Variants in USP20 observed in about 807,000 individuals in gnomAD.
The protein encoded by USP20 is ubiquitin specific peptidase 20.
In USP20, 80 loss-of-function variants were observed where a neutral mutation model predicts 124.2. The observed-to-expected ratio is 0.64, with a 90% CI of 0.54 to 0.78. The LOEUF (loss-of-function observed/expected upper bound fraction) is 0.78, where lower values mean the gene tolerates loss of function less well. Ranked by LOEUF, USP20 falls within the 30% of genes least tolerant of loss-of-function variation. The pLI, the probability that USP20 is intolerant of heterozygous loss-of-function variation, is 0.00. For missense variants in USP20, 1,043 were observed against 1,244.4 expected (o/e 0.84, Z 2.44); for synonymous variants, 481 against 512.3 (o/e 0.94, Z 0.83).
intron 4 of USP20, 81 bp from the exon 5 acceptor site, chr9:129,857,969 C>A: frequency 7.4e-7 from 1 of 1,351,304 alleles, no homozygotes. Context: ...GGGGCACTGA[C>A]TTTGGGATGG....
At position 129,868,259 on chromosome 9, in the gene USP20, T is replaced by C. The variant is rs2033922808; in HGVS notation, c.945T>C (p.Asp315=). Residue 315 remains aspartate, a synonymous_variant, in exon 11 of 26, where the codon GAT becomes GAC. Transcript: ENST00000372429. ...SQAETELLIP[D]EAGRAISEKE... ...CCGAGACGGAGCTGCTGATCCCAGA[T>C]GAGGCGGGCCGAGCCATCTCTGAGA... 2.5e-6 allele frequency: 4 copies of C among 1,613,956 alleles called. No homozygotes were observed. The South Asian group carries it at 4.4e-5, about 18-fold the overall frequency.
At position 129,875,337 on chromosome 9, in the gene USP20, G is replaced by A. The variant is rs566011002; in HGVS notation, c.2076G>A (p.Glu692=). The part of the protein sequence containing the change: ...YRKSSEEAMR[E]RQQVVSLAAM... ...AGAGCAGCGAGGAGGCCATGCGGGA[G>A]CGACAGCAGGTGGTGTCCCTGGCCG... Residue 692 remains glutamate (E), a synonymous_variant, in exon 20 of 26, where the codon GAG becomes GAA. Transcript: ENST00000372429. 1.9e-6 allele frequency: 3 copies of A among 1,611,764 alleles called. No homozygotes were observed. The highest frequency in any genetic ancestry group is 3.3e-5 in the Admixed American group (2 of 59,860).
chr9:129,845,232 G>T (rs2032470304), intron 1 of USP20, among the ~76,000 whole-genome samples: 1 of 151,988 alleles, frequency 6.6e-6, no homozygotes, highest in South Asian at 2.1e-4. Flanking sequence ...GTAGGCTCAG[G>T]GCAGTGCCTG....
intron 14 of USP20, 68 bp downstream of exon 14, chr9:129,869,912 A>G (rs2034033555): frequency 1.3e-6 from 2 of 1,573,014 alleles, no homozygotes; most frequent in Non-Finnish European, 8.7e-7. Context: ...GGCGGGAGAC[A>G]GTACACAGTG....
At chr9:129,877,322 C>T (rs1243790277) in intron 22 of USP20, among the ~76,000 whole-genome samples, 1 of 151,490 alleles carries the variant, frequency 6.6e-6, no homozygotes, top group Non-Finnish European at 1.5e-5. Context: ...AGTTCAAGAC[C>T]AACTTGGCCA....
chr9:129,881,093 CCCCACACCGCG>C lies in USP20; in HGVS notation c.*644_*654del, dbSNP rs1202005905. On this transcript the variant is annotated 3_prime_UTR_variant, in exon 26 of 26. Transcript: ENST00000372429. ...GGGATGTTTCTGGAGGCAGCTGGTC[CCCCACACCGCG>C]TCCTGCTGAGCCTGCCCCCTGGATT... The C allele has an allele frequency of 1.3e-5, 2 of 152,466 alleles. No homozygotes were observed. The highest frequency in any genetic ancestry group is 4.8e-5 in the African/African-American group (2 of 41,470). The allele number at this position is 152,466 out of a possible 1,614,324, so 9.4% of individuals were successfully genotyped here. A position where few individuals can be genotyped will look rare whatever the true frequency, so the allele number is the denominator to read the frequency against.
Position 129,868,415 on chromosome 9 carries a change from G to A in USP20, c.1101G>A (p.Pro367=), listed in dbSNP as rs377337518. The stretch of plus-strand genomic sequence containing the variant: ...ACCAGCCCGCGGAGGCCCAGCCCCC[G>A]TCACCACGGTCCTCCAGCCCCTGCC... ...LDDQPAEAQP[P]SPRSSSPCRT... is the part of the protein sequence containing the mutation. The change falls in exon 11 of 26, where the codon CCG becomes CCA. Residue 367 remains proline, a synonymous_variant. Coordinates refer to ENST00000372429, the MANE Select transcript of USP20 (RefSeq NM_001110303.4). 6,307 of 1,612,016 alleles carry A rather than the reference G, an allele frequency of 3.9e-3. 162 individuals are homozygous for A. The South Asian group carries it at 0.048, about 12-fold the overall frequency.
chr9:129,874,483 A>G (rs1240858112), intron 17 of USP20, 93 bp from the exon 18 acceptor site: 2 of 1,515,974 alleles, frequency 1.3e-6, no homozygotes, highest in Non-Finnish European at 9.0e-7. Flanking sequence ...GTCAGCTTGC[A>G]TGATCCCATC....
intron 11 of USP20, 43 bp downstream of exon 11, chr9:129,868,492 G>A: frequency 1.3e-6 from 2 of 1,576,116 alleles, no homozygotes; most frequent in Non-Finnish European, 1.7e-6. Flanking sequence ...TCAGCCTATG[G>A]CCCAGTACCT....
Position 129,875,619 on chromosome 9 carries a change from G to T in USP20, c.2278G>T (p.Val760Phe). The T allele has an allele frequency of 6.2e-7, 1 of 1,613,992 alleles. No homozygotes were observed. Among genetic ancestry groups the T allele is most frequent in the Non-Finnish European group, 8.5e-7 (1 of 1,180,006 alleles). ...DDLVVILPQN[V>F]WEHLYNRFGG... ...CCTGGTGGTCATCCTGCCCCAGAAC[G>T]TCTGGGAGCACCTGTACAACAGGTG... The change falls in exon 21 of 26, where the codon GTC becomes TTC. Residue 760 changes from valine to phenylalanine, a missense_variant. Coordinates refer to ENST00000372429, the MANE Select transcript of USP20 (RefSeq NM_001110303.4).
chr9:129,851,351 C>T (rs72755279), intron 2 of USP20, among the ~76,000 whole-genome samples: 2,069 of 150,042 alleles, frequency 0.014, 24 homozygotes, highest in Middle Eastern at 0.025. Context: ...CCTTGAACTC[C>T]TGGGCTCACA....
At chr9:129,836,656 C>T (rs1053602565) in intron 1 of USP20, among the ~76,000 whole-genome samples, 1 of 152,242 alleles carries the variant, frequency 6.6e-6, no homozygotes, top group Non-Finnish European at 1.5e-5. Flanking sequence ...CTGGAACAGT[C>T]TCCACTGAGA....
chr9:129,851,280 G>C (rs1205756684), intron 2 of USP20, among the ~76,000 whole-genome samples: 1 of 97,616 alleles, frequency 1.0e-5, no homozygotes, highest in Non-Finnish European at 1.9e-5. Flanking sequence ...TTTTTTTTGA[G>C]ATGAGGTCTT....
intron 6 of USP20, 104 bp from the exon 7 acceptor site, chr9:129,860,833 C>G: frequency 8.5e-7 from 1 of 1,175,972 alleles, no homozygotes; most frequent in Non-Finnish European, 1.3e-6. Flanking sequence ...CCCAGTAGGG[C>G]CTTCCGGGCA....
chr9:129,850,362 A>G (rs889662881), intron 2 of USP20, among the ~76,000 whole-genome samples: 1 of 152,180 alleles, frequency 6.6e-6, no homozygotes, highest in Non-Finnish European at 1.5e-5. Context: ...CAACATTCCT[A>G]TGAGACCTTA....
intron 1 of USP20, among the ~76,000 whole-genome samples, chr9:129,846,290 C>T (rs1179685234): frequency 1.4e-4 from 15 of 109,886 alleles, no homozygotes; most frequent in African/African-American, 1.8e-4. Flanking sequence ...GGGTCTTACC[C>T]TGTTGTCTAG....
chr9:129,878,738 G>A (rs546867572), intron 23 of USP20, among the ~76,000 whole-genome samples: 3 of 152,276 alleles, frequency 2.0e-5, no homozygotes, highest in Admixed American at 2.0e-4. Context: ...GGAGTGTGTC[G>A]CCCGAAATGA....
chr9:129,877,269 A>G (rs1327565909), intron 22 of USP20, among the ~76,000 whole-genome samples: 1 of 152,210 alleles, frequency 6.6e-6, no homozygotes, highest in Non-Finnish European at 1.5e-5. Context: ...CTGTGATCCC[A>G]GCACTTTGGG....
intron 3 of USP20, among the ~76,000 whole-genome samples, chr9:129,854,904 G>A (rs1490438780): frequency 6.6e-6 from 1 of 152,160 alleles, no homozygotes; most frequent in African/African-American, 2.4e-5. Flanking sequence ...GTGACAATGA[G>A]AAGGAGGCCA....
Sources: allele counts gnomAD v4.1 joint callset (sites outside exome capture counted in the v4.1 genomes callset), GRCh38; gene constraint gnomAD v4.1.1; transcripts MANE v1.5; gene names NCBI Gene and HGNC (gene_info 2026-07-23, HGNC 2026-07-21).